Variants in SLC39A3 observed in about 807,000 individuals in gnomAD.
SLC39A3 encodes solute carrier family 39 member 3.
Under a neutral mutation model 5.1 loss-of-function variants are expected in SLC39A3, and 3 were observed. The observed-to-expected ratio is 0.59, with a 90% CI of 0.27 to 1.54. The LOEUF (loss-of-function observed/expected upper bound fraction) is 1.54. Among genes scored for constraint, SLC39A3 ranks in the 40% most tolerant of loss-of-function variants. The pLI is 0.12. For missense variants in SLC39A3, 412 were observed against 436.4 expected, an observed-to-expected ratio of 0.94 and a Z score of 0.50; for synonymous variants, 250 against 218.8, an observed-to-expected ratio of 1.14 and a Z score of -1.26.
chr19:2,735,270 C>T lies in SLC39A3; in HGVS notation c.210+1778G>A. The T allele has an allele frequency of 5.3e-6, 5 of 947,158 alleles. No individual in the cohort carries two copies. The highest frequency in any genetic ancestry group is 6.3e-6 in the Non-Finnish European group (5 of 794,924). The allele number at this position is 947,158 out of a possible 1,614,324, so 58.7% of individuals were successfully genotyped here. A position where few individuals can be genotyped will look rare whatever the true frequency, so the allele number is the denominator to read the frequency against. On this transcript the variant is annotated intron_variant, in intron 2 of 2. Coordinates refer to ENST00000269740, the MANE Select transcript of SLC39A3 (RefSeq NM_144564.5). The surrounding 1 kb of genome is among the most constrained non-coding windows in gnomAD (Gnocchi z 5.7). ...TCACACACCGCGTAACGAACGAATG[C>T]AGACTCAGCCACGCGGAACAGCAGG...
chr19:2,738,781 A>T (rs1477761152), intron 1 of SLC39A3, among the ~76,000 whole-genome samples: 1 of 152,078 alleles, frequency 6.6e-6, no homozygotes, highest in Non-Finnish European at 1.5e-5. Flanking sequence ...TACTAAAAAT[A>T]CAAAAATTAG....
rs1329702772 is a variant in SLC39A3 at position 2,733,372 on chromosome 19, G to C, written c.324C>G (p.Phe108Leu). 3.1e-6 allele frequency: 5 copies of C among 1,613,146 alleles called. No homozygotes were observed. Among genetic ancestry groups the C allele is most frequent in the Non-Finnish European group, 4.2e-6 (5 of 1,180,032 alleles). The part of the protein sequence containing the change: ...TVFLEQLILT[F>L]RKEKPSFIDL... ...CGATGAAGGACGGCTTCTCCTTGCG[G>C]AAGGTCAGGATCAGCTGCTCCAGGA... The change falls in exon 3 of 3, where the codon TTC becomes TTG. Residue 108 changes from phenylalanine to leucine, a missense_variant. Phe to Leu is a conservative substitution (Grantham distance 22, BLOSUM62 0). Coordinates refer to ENST00000269740, the MANE Select transcript of SLC39A3 (RefSeq NM_144564.5). The surrounding 1 kb of genome is among the most constrained non-coding windows in gnomAD (Gnocchi z 6.1).
chr19:2,739,204 A>T (rs1250224310), intron 1 of SLC39A3, among the ~76,000 whole-genome samples: 2 of 151,928 alleles, frequency 1.3e-5, no homozygotes, highest in Non-Finnish European at 2.9e-5. Context: ...TGCAGAACAG[A>T]TACTCAAAAA....
intron 2 of SLC39A3, chr19:2,736,740 G>T: frequency 7.0e-7 from 1 of 1,427,190 alleles, no homozygotes; most frequent in Admixed American, 2.9e-5. Flanking sequence ...CCGAAGAGAG[G>T]CCATGCTTTC....
Position 2,734,267 on chromosome 19 carries a change from GT to G in SLC39A3, c.211-783del, listed in dbSNP as rs1295334098. On this transcript the variant is annotated intron_variant, in intron 2 of 2. Transcript: ENST00000269740. This position sits in a 1 kb window ranked among gnomAD's most constrained non-coding sequence, Gnocchi z 4.6. ...GGAGCCTCGTCACGGCAGGGCCAGA[GT>G]TCACAGCCACCCTCCAGAGAGACCT... is the stretch of plus-strand genomic sequence containing the variant. Among the ~76,000 whole-genome samples, 2 of 152,264 alleles carry G rather than the reference GT, an allele frequency of 1.3e-5. No individual in the cohort carries two copies. The highest frequency in any genetic ancestry group is 2.9e-5 in the Non-Finnish European group (2 of 68,050).
intron 1 of SLC39A3, among the ~76,000 whole-genome samples, chr19:2,738,567 C>T (rs559023859): frequency 2.6e-5 from 4 of 152,254 alleles, no homozygotes; most frequent in African/African-American, 9.6e-5. Flanking sequence ...GACCTTCCAG[C>T]GAGGCCTCCT....
chr19:2,732,687 C>T lies in SLC39A3; in HGVS notation c.*64G>A, dbSNP rs369394626. 8.7e-5 allele frequency: 127 copies of T among 1,465,514 alleles called. No homozygotes were observed. Among genetic ancestry groups the T allele is most frequent in the East Asian group, 5.2e-4 (21 of 40,498 alleles). 90.8% of individuals were successfully genotyped at this position (1,465,514 alleles called of 1,614,324 possible). A position where few individuals can be genotyped will look rare whatever the true frequency, so the allele number is the denominator to read the frequency against. On this transcript the variant is annotated 3_prime_UTR_variant, in exon 3 of 3. Coordinates refer to ENST00000269740, the MANE Select transcript of SLC39A3 (RefSeq NM_144564.5). ...TCTTGGGGGACGCGCGGCCGGGGGA[C>T]GCGGCCTGTGTCCGGCCCGGGGCTC...
chr19:2,732,918 C>T lies in SLC39A3; in HGVS notation c.778G>A (p.Val260Met), dbSNP rs7252210. The change falls in exon 3 of 3, where the codon GTG becomes ATG. Residue 260 changes from valine (V) to methionine (M), a missense_variant. Transcript: ENST00000269740. ...IESAQGVPGS[V>M]ASVLLQGLAG... is the part of the protein sequence containing the mutation. The stretch of plus-strand genomic sequence containing the variant: ...AGGCCCTGCAGCAGCACGGACGCCA[C>T]GCTGCCCGGCACGCCCTGGGCGCTC... The T allele has an allele frequency of 3.1e-4, 494 of 1,610,714 alleles. 1 individual carries two copies. The African/African-American group carries it at 5.6e-3, about 18-fold the overall frequency.
At position 2,735,844 on chromosome 19, in the gene SLC39A3, A is replaced by G. The variant is rs1249258944; in HGVS notation, c.210+1204T>C. 2 of 985,434 alleles carry G rather than the reference A, an allele frequency of 2.0e-6. No homozygotes were observed. The highest frequency in any genetic ancestry group is 2.3e-4 in the East Asian group (2 of 8,830). 61.0% of individuals were successfully genotyped at this position (985,434 alleles called of 1,614,324 possible). A position where few individuals can be genotyped will look rare whatever the true frequency, so the allele number is the denominator to read the frequency against. On this transcript the variant is annotated intron_variant, in intron 2 of 2. Coordinates refer to ENST00000269740, the MANE Select transcript of SLC39A3 (RefSeq NM_144564.5). This position sits in a 1 kb window ranked among gnomAD's most constrained non-coding sequence, Gnocchi z 5.7. ...TCTACTCTGCCACACTAACAGGCTC[A>G]GATGATTTAATCCCAGACAACAGCC...
chr19:2,738,097 G>A (rs971438750), intron 1 of SLC39A3, among the ~76,000 whole-genome samples: 5 of 150,904 alleles, frequency 3.3e-5, no homozygotes, highest in African/African-American at 1.2e-4. Flanking sequence ...TACTCTGGAG[G>A]CTGAGGCAAG....
At position 2,737,126 on chromosome 19, in the gene SLC39A3, G is replaced by A. The variant is rs778840756; in HGVS notation, c.132C>T (p.Leu44=). The part of the protein sequence containing the change: ...FEKAHRSKKI[L]SLCNTFGGGV... The stretch of plus-strand genomic sequence containing the variant: ...CTCCTCCAAAGGTGTTGCAGAGAGA[G>A]AGGATCTTTTTCGAGCGATGGGCCT... The change falls in exon 2 of 3, where the codon CTC becomes CTT. Residue 44 remains leucine (L), a synonymous_variant. Transcript: ENST00000269740. 1 of 1,614,214 alleles carries A rather than the reference G, an allele frequency of 6.2e-7. No homozygotes were observed. Among genetic ancestry groups the A allele is most frequent in the Non-Finnish European group, 8.5e-7 (1 of 1,180,046 alleles).
chr19:2,735,164 G>A lies in SLC39A3; in HGVS notation c.211-1679C>T, dbSNP rs1323886977. ...TGACACCATGACCATGGGGGAAAAGGGGGGCTGGCAGTGGCCTCTGCGATG... is the reference window on the plus strand; with the variant it reads ...TGACACCATGACCATGGGGGAAAAGAGGGGCTGGCAGTGGCCTCTGCGATG... On this transcript the variant is annotated intron_variant, in intron 2 of 2. Coordinates refer to ENST00000269740, the MANE Select transcript of SLC39A3 (RefSeq NM_144564.5). This position sits in a 1 kb window ranked among gnomAD's most constrained non-coding sequence, Gnocchi z 5.7. 1 of 985,366 alleles carries A rather than the reference G, an allele frequency of 1.0e-6. No individual in the cohort carries two copies. Among genetic ancestry groups the A allele is most frequent in the Non-Finnish European group, 1.2e-6 (1 of 829,978 alleles). 61.0% of individuals were successfully genotyped at this position (985,366 alleles called of 1,614,324 possible).
In SLC39A3 at chr19:2,733,313, C is replaced by T; in HGVS notation, c.383G>A (p.Gly128Asp). ...GGGGCTCTCATACTCCGAGTCGCTG[C>T]CCACGTCCGATCCGGCGTTGAAGGT... ...LETFNAGSDV[G>D]SDSEYESPFM... Residue 128 changes from glycine to aspartate, a missense_variant, in exon 3 of 3, where the codon GGC (glycine) becomes GAC (aspartate). Coordinates refer to ENST00000269740, the MANE Select transcript of SLC39A3 (RefSeq NM_144564.5). The surrounding 1 kb of genome is among the most constrained non-coding windows in gnomAD (Gnocchi z 6.1). 1 of 1,613,016 alleles carries T rather than the reference C, an allele frequency of 6.2e-7. No individual in the cohort carries two copies. Among genetic ancestry groups the T allele is most frequent in the Non-Finnish European group, 8.5e-7 (1 of 1,180,016 alleles).
Position 2,735,284 on chromosome 19 carries a change from CG to C in SLC39A3, c.210+1763del, listed in dbSNP as rs375967988. 4.5e-6 allele frequency: 4 copies of C among 898,156 alleles called. No homozygotes were observed. The highest frequency in any genetic ancestry group is 3.6e-5 in the African/African-American group (2 of 55,740). 55.6% of individuals were successfully genotyped at this position (898,156 alleles called of 1,614,324 possible). On this transcript the variant is annotated intron_variant, in intron 2 of 2. Coordinates refer to ENST00000269740, the MANE Select transcript of SLC39A3 (RefSeq NM_144564.5). The surrounding 1 kb of genome is among the most constrained non-coding windows in gnomAD (Gnocchi z 5.7). ...ACGAACGAATGCAGACTCAGCCACGCGGAACAGCAGGAATGCGGTGTCTCGG... is the reference window on the plus strand; with the variant it reads ...ACGAACGAATGCAGACTCAGCCACGCGAACAGCAGGAATGCGGTGTCTCGG...
At chr19:2,736,313 A>AC in intron 2 of SLC39A3, 2 of 424,980 alleles carry the variant, frequency 4.7e-6, no homozygotes, top group Non-Finnish European at 6.3e-6. Context: ...GGCAGAGGGG[A>AC]AGGGATACCC....
Position 2,732,664 on chromosome 19 carries a change from T to C in SLC39A3, c.*87A>G. 7.0e-7 allele frequency: 1 copy of C among 1,437,594 alleles called. No homozygotes were observed. The highest frequency in any genetic ancestry group is 9.1e-7 in the Non-Finnish European group (1 of 1,096,628). The allele number at this position is 1,437,594 out of a possible 1,614,324, so 89.1% of individuals were successfully genotyped here. ...TGGCCCAGGGCCACAGTGCTCGCTC[T>C]TGGGGGACGCGCGGCCGGGGGACGC... On this transcript the variant is annotated 3_prime_UTR_variant, in exon 3 of 3. Transcript: ENST00000269740.
Position 2,733,504 on chromosome 19 carries a change from G to A in SLC39A3, c.211-19C>T, listed in dbSNP as rs751784701. 3.7e-5 allele frequency: 47 copies of A among 1,284,158 alleles called. No individual in the cohort carries two copies. Among genetic ancestry groups the A allele is most frequent in the African/African-American group, 7.6e-5 (5 of 65,894 alleles). The allele number at this position is 1,284,158 out of a possible 1,614,324, so 79.5% of individuals were successfully genotyped here. On this transcript the variant is annotated intron_variant, in intron 2 of 2. Transcript: ENST00000269740. The surrounding 1 kb of genome is among the most constrained non-coding windows in gnomAD (Gnocchi z 6.1). Reference sequence around the variant, plus strand: ...TCTGGAGCTGCAGCCGGGGACACCCGAGAGAGAGAGAGAGACCCACGCTCA... The same window carrying A: ...TCTGGAGCTGCAGCCGGGGACACCCAAGAGAGAGAGAGAGACCCACGCTCA...
chr19:2,739,754 G>T (rs775143642), intron 1 of SLC39A3, among the ~76,000 whole-genome samples, 191 bp downstream of exon 1: 1 of 152,224 alleles, frequency 6.6e-6, no homozygotes, highest in Non-Finnish European at 1.5e-5. Context: ...ACCGGAGGCT[G>T]CTCGGGCCGG....
chr19:2,737,942 C>T (rs1287004110), intron 1 of SLC39A3, among the ~76,000 whole-genome samples: 2 of 151,742 alleles, frequency 1.3e-5, no homozygotes, highest in Non-Finnish European at 2.9e-5. Context: ...CTCACACCTG[C>T]AATCCCAGAA....
Sources: allele counts gnomAD v4.1 joint callset (sites outside exome capture counted in the v4.1 genomes callset), GRCh38; gene constraint gnomAD v4.1.1; non-coding constraint Gnocchi (gnomAD v3.1); transcripts MANE v1.5; gene names NCBI Gene and HGNC (gene_info 2026-07-23, HGNC 2026-07-21).